The following SNX29 variants were observed in gnomAD, a reference collection of about 807,000 sequenced individuals.
The protein encoded by SNX29 is sorting nexin 29, also known as sorting nexin-29.
In SNX29, 78 loss-of-function variants were observed where a neutral mutation model predicts 102.1. That is an observed-to-expected ratio of 0.76 (90% confidence interval 0.64 to 0.92). The LOEUF (loss-of-function observed/expected upper bound fraction) is 0.92. SNX29 is among the 40% of genes least tolerant of loss of function. The probability of loss-of-function intolerance (pLI) is 0.00; values close to 1 mark genes in which losing one functional copy is unlikely to be tolerated. For missense variants in SNX29, 1,280 were observed against 1,061.7 expected, an observed-to-expected ratio of 1.21 and a Z score of -2.86; for synonymous variants, 580 against 414.5, an observed-to-expected ratio of 1.40 and a Z score of -4.85.
intron 19 of SNX29, among the ~76,000 whole-genome samples, chr16:12,524,232 T>G (rs1251485313): frequency 1.3e-5 from 2 of 152,138 alleles, no homozygotes; most frequent in East Asian, 3.9e-4. Flanking sequence ...TGTTTTGTAT[T>G]TCGAGAAACT....
At position 12,551,960 on chromosome 16, in the gene SNX29, G is replaced by T. The variant is rs540170503; in HGVS notation, c.2319-16546G>T. 1.8e-3 allele frequency among the ~76,000 whole-genome samples: 280 copies of T among 152,252 alleles called. 2 individuals are homozygous for T. The highest frequency in any genetic ancestry group is 6.6e-3 in the African/African-American group (276 of 41,536). On this transcript the variant is annotated intron_variant, in intron 20 of 20. Transcript: ENST00000566228. ...GGATCCAGTGAGATTCCCCAGCCAG[G>T]CTGTGCCCAACACAGTGCCATGTCA...
intron 20 of SNX29, among the ~76,000 whole-genome samples, chr16:12,552,009 C>G (rs1483131218): frequency 1.3e-5 from 2 of 152,316 alleles, no homozygotes; most frequent in African/African-American, 2.4e-5. Context: ...TGGTCCCTGT[C>G]TCTAAAAAAC....
rs200308141 is a variant in SNX29, at chr16:12,568,543, C to A, written c.2356C>A (p.Pro786Thr). The A allele has an allele frequency of 3.9e-4, 621 of 1,609,504 alleles. 2 individuals carry two copies. The highest frequency in any genetic ancestry group is 4.8e-4 in the Non-Finnish European group (568 of 1,179,846). ...GCCCGGAGAGCCTGTGAACAGCCGG[C>A]CCAAAGCAGCTTCCCGCTTCCCCAA... ...TPPGEPVNSR[P>T]KAASRFPKLS... Residue 786 changes from proline to threonine, a missense_variant, in exon 21 of 21, where the codon CCC becomes ACC. Physicochemically the swap from Pro to Thr is conservative, Grantham distance 38 (BLOSUM62 -1). Coordinates refer to ENST00000566228, the MANE Select transcript of SNX29 (RefSeq NM_032167.5).
chr16:12,171,812 G>A (rs528602253), intron 13 of SNX29, among the ~76,000 whole-genome samples: 1 of 152,360 alleles, frequency 6.6e-6, no homozygotes, highest in South Asian at 2.1e-4. Flanking sequence ...GTCTTGTGGT[G>A]TGGTGGTATG....
intron 7 of SNX29, among the ~76,000 whole-genome samples, chr16:12,048,977 C>A (rs2050198333): frequency 6.6e-6 from 1 of 152,172 alleles, no homozygotes; most frequent in Non-Finnish European, 1.5e-5. Flanking sequence ...AGACAGATTA[C>A]CAGCAGGTAG....
At chr16:12,299,109 G>A (rs1171015731) in intron 15 of SNX29, among the ~76,000 whole-genome samples, 1 of 152,044 alleles carries the variant, frequency 6.6e-6, no homozygotes, top group African/African-American at 2.4e-5. Flanking sequence ...AGACCCACCT[G>A]GCCAACATGG....
intron 20 of SNX29, among the ~76,000 whole-genome samples, chr16:12,547,321 A>G (rs868795218): frequency 2.6e-5 from 4 of 152,218 alleles, no homozygotes; most frequent in Admixed American, 2.0e-4. Context: ...GCCCAGGAAC[A>G]GAGAGGCCTT....
At chr16:12,558,445 C>T (rs1010173174) in intron 20 of SNX29, among the ~76,000 whole-genome samples, 1 of 152,216 alleles carries the variant, frequency 6.6e-6, no homozygotes, top group Admixed American at 6.5e-5. Flanking sequence ...CATTGGTAGA[C>T]TTCTGTATGA....
At chr16:12,071,405 A>T (rs1216837493) in intron 10 of SNX29, among the ~76,000 whole-genome samples, 1 of 152,162 alleles carries the variant, frequency 6.6e-6, no homozygotes, top group South Asian at 2.1e-4. Flanking sequence ...CAGTTTTCCC[A>T]GCACCATTTA....
At chr16:12,567,148 G>C (rs995450967) in intron 20 of SNX29, among the ~76,000 whole-genome samples, 3 of 152,212 alleles carry the variant, frequency 2.0e-5, no homozygotes, top group African/African-American at 7.2e-5. Context: ...AACTGGGCTT[G>C]GATACAGCTG....
intron 19 of SNX29, among the ~76,000 whole-genome samples, chr16:12,505,599 A>C (rs1303415355): frequency 6.6e-6 from 1 of 152,190 alleles, no homozygotes; most frequent in African/African-American, 2.4e-5. Context: ...GCAGATTCGC[A>C]TAGTTAGCTC....
chr16:12,076,016 G>A (rs918762832), intron 10 of SNX29, among the ~76,000 whole-genome samples: 4 of 152,178 alleles, frequency 2.6e-5, no homozygotes, highest in East Asian at 1.9e-4. Context: ...TAAGCCCTTC[G>A]GAAAAGCGCA....
At chr16:12,303,753 C>CT (rs2080254642) in intron 15 of SNX29, among the ~76,000 whole-genome samples, 1 of 152,168 alleles carries the variant, frequency 6.6e-6, no homozygotes, top group East Asian at 1.9e-4. Flanking sequence ...CTCTTGCATG[C>CT]TTGAAGTGTT....
At position 12,571,741 on chromosome 16, in the gene SNX29, G is replaced by C. The variant is rs966210669; in HGVS notation, c.*3112G>C. 13 of 1,033,946 alleles carry C rather than the reference G, an allele frequency of 1.3e-5. No homozygotes were observed. In the Admixed American group the frequency reaches 5.4e-4, roughly 43 times the overall value. 64.0% of individuals were successfully genotyped at this position (1,033,946 alleles called of 1,614,324 possible). A position where few individuals can be genotyped will look rare whatever the true frequency, so the allele number is the denominator to read the frequency against. Reference sequence around the variant, plus strand: ...GAGCTTAAAGGCTGCTAGAAACCTAGCCCAACCATCCACTCCTGATCTGAG... The same window carrying C: ...GAGCTTAAAGGCTGCTAGAAACCTACCCCAACCATCCACTCCTGATCTGAG... On this transcript the variant is annotated 3_prime_UTR_variant, in exon 21 of 21. Transcript: ENST00000566228.
intron 20 of SNX29, among the ~76,000 whole-genome samples, chr16:12,536,875 C>G (rs1031092580): frequency 2.4e-4 from 36 of 152,118 alleles, no homozygotes; most frequent in African/African-American, 8.5e-4. Context: ...ACTTGGGAGG[C>G]TGAGGCAAGA....
chr16:12,566,446 A>G lies in SNX29; in HGVS notation c.2319-2060A>G, dbSNP rs183431456. Reference sequence around the variant, plus strand: ...GGGCCTCTCCCCCCAAGCTCTGGTCATTGCAGGGCAGGGCTCATCCTGGCT... The same window carrying G: ...GGGCCTCTCCCCCCAAGCTCTGGTCGTTGCAGGGCAGGGCTCATCCTGGCT... On this transcript the variant is annotated intron_variant, in intron 20 of 20. Transcript: ENST00000566228. Among the ~76,000 whole-genome samples the G allele has an allele frequency of 6.2e-4, 94 of 152,182 alleles. 1 individual carries two copies. Among genetic ancestry groups the G allele is most frequent in the African/African-American group, 2.1e-3 (89 of 41,514 alleles).
chr16:12,018,270 A>G (rs1025897345), intron 3 of SNX29, among the ~76,000 whole-genome samples: 2 of 152,020 alleles, frequency 1.3e-5, no homozygotes, highest in African/African-American at 4.8e-5. Flanking sequence ...GGGCTTGCCT[A>G]TTTATTTTTA....
chr16:12,035,149 A>G (rs904777158), intron 4 of SNX29, among the ~76,000 whole-genome samples: 2 of 151,248 alleles, frequency 1.3e-5, no homozygotes, highest in African/African-American at 4.9e-5. Flanking sequence ...ATGATGGCGT[A>G]TGCCCCTAAA....
chr16:12,178,118 A>G (rs973323773), intron 13 of SNX29, among the ~76,000 whole-genome samples: 11 of 152,022 alleles, frequency 7.2e-5, no homozygotes, highest in African/African-American at 2.7e-4. Flanking sequence ...TGGGGGAGGG[A>G]GCCAGGGCAG....
Sources: gnomAD v4.1 joint callset for allele counts (sites outside exome capture counted in the v4.1 genomes callset) on GRCh38, gnomAD v4.1.1 for gene constraint, MANE v1.5 for transcripts, NCBI Gene and HGNC (gene_info 2026-07-23, HGNC 2026-07-21) for gene names.